Variants in LTA observed in about 807,000 individuals in gnomAD.
LTA encodes the protein lymphotoxin-alpha.
A neutral mutation model predicts 15.1 loss-of-function variants in LTA; 6 were observed. The observed-to-expected ratio is 0.40, with a 90% CI of 0.22 to 0.78. LTA has a LOEUF of 0.78. LTA is among the 30% of genes least tolerant of loss of function. The pLI, the probability that LTA is intolerant of heterozygous loss-of-function variation, is 0.38. For synonymous variants in LTA, 87 were observed against 107.3 expected (o/e 0.81, Z 1.17); for missense variants, 173 against 249.5 (o/e 0.69, Z 2.06).
intron 1 of LTA, 26 bp from the exon 2 acceptor site, chr6:31,572,708 C>CTT (rs754289755): frequency 1.6e-6 from 2 of 1,212,710 alleles, no homozygotes; most frequent in Admixed American, 3.9e-5. Context: ...CTCACTGTCT[C>CTT]TCTCTCTCTC....
chr6:31,572,674 T>TCTTC (rs1770903894), intron 1 of LTA, 60 bp from the exon 2 acceptor site: 2 of 1,278,234 alleles, frequency 1.6e-6, no homozygotes, highest in African/African-American at 2.9e-5. Flanking sequence ...GGGAGGTCTG[T>TCTTC]CTTCCGCCGC....
the LTA span, among the ~76,000 whole-genome samples, chr6:31,564,802 T>C: frequency 6.6e-6 from 1 of 151,038 alleles, no homozygotes; most frequent in Non-Finnish European, 1.5e-5. Context: ...TAGTCCTAGC[T>C]ACTCAGGAGG....
At chr6:31,564,284 T>A in the LTA span, among the ~76,000 whole-genome samples, 5 of 152,114 alleles carry the variant, frequency 3.3e-5, no homozygotes, top group African/African-American at 1.2e-4. Flanking sequence ...TTTTTATTTT[T>A]ATTTTTTTCC....
chr6:31,564,349 G>A, the LTA span, among the ~76,000 whole-genome samples: 1 of 151,956 alleles, frequency 6.6e-6, no homozygotes, highest in Non-Finnish European at 1.5e-5. Context: ...GTGTGATCTG[G>A]GCTCACTGCA....
chr6:31,561,345 A>G, the LTA span, among the ~76,000 whole-genome samples: 1 of 152,194 alleles, frequency 6.6e-6, no homozygotes, highest in African/African-American at 2.4e-5. Flanking sequence ...TGTGTTAACC[A>G]GCCCTTTTCC....
chr6:31,564,365 C>T, the LTA span, among the ~76,000 whole-genome samples: 131 of 143,634 alleles, frequency 9.1e-4, 1 homozygote, highest in African/African-American at 2.9e-3. Flanking sequence ...CTGCAAGATC[C>T]GCCTCCCGGG....
At chr6:31,562,071 C>A in the LTA span, among the ~76,000 whole-genome samples, 1 of 151,034 alleles carries the variant, frequency 6.6e-6, no homozygotes, top group South Asian at 2.1e-4. Flanking sequence ...AGGAAGAGAA[C>A]CAATAAAGGA....
intron 1 of LTA, 121 bp downstream of exon 1, chr6:31,572,567 G>C (rs1397060402): frequency 8.3e-6 from 5 of 604,808 alleles, no homozygotes; most frequent in African/African-American, 3.7e-5. Context: ...GTCTCTCTCT[G>C]TCTCCCTCTG....
upstream of LTA, among the ~76,000 whole-genome samples, chr6:31,571,315 C>T (rs1770821199): frequency 6.6e-6 from 1 of 152,156 alleles, no homozygotes; most frequent in African/African-American, 2.4e-5. Context: ...CCACCTCAGA[C>T]TCCCAAAGTG....
the LTA span, among the ~76,000 whole-genome samples, chr6:31,561,082 A>G: frequency 6.6e-6 from 1 of 152,204 alleles, no homozygotes; most frequent in Non-Finnish European, 1.5e-5. Flanking sequence ...TAGGCGAATA[A>G]CACGTCTTGA....
chr6:31,563,228 G>A, the LTA span, among the ~76,000 whole-genome samples: 1 of 152,286 alleles, frequency 6.6e-6, no homozygotes, highest in Admixed American at 6.5e-5. Flanking sequence ...AGTAAAGATA[G>A]AGGAAGTGGG....
upstream of LTA, among the ~76,000 whole-genome samples, chr6:31,569,454 C>T (rs956377208): frequency 6.6e-6 from 1 of 152,050 alleles, no homozygotes; most frequent in Non-Finnish European, 1.5e-5. Flanking sequence ...GGAGCAGGGG[C>T]TAAAAGGGAA....
At chr6:31,570,557 T>C (rs1770776098), upstream of LTA, among the ~76,000 whole-genome samples, 1 of 152,226 alleles carries the variant, frequency 6.6e-6, no homozygotes, top group Non-Finnish European at 1.5e-5. Context: ...CTGCTTTTTT[T>C]AAACCTTGTA....
upstream of LTA, among the ~76,000 whole-genome samples, chr6:31,567,095 A>C (rs914536398): frequency 6.6e-6 from 1 of 152,086 alleles, no homozygotes; most frequent in African/African-American, 2.4e-5. Context: ...CAGGAGTTTG[A>C]GATCAGCCTG....
intron 1 of LTA, 129 bp from the exon 2 acceptor site, chr6:31,572,605 C>T: frequency 1.6e-6 from 1 of 643,526 alleles, no homozygotes; most frequent in Non-Finnish European, 2.8e-6. Flanking sequence ...CTGACTGCAT[C>T]TTGTCCCCTT....
At chr6:31,566,562 C>T in the LTA span, among the ~76,000 whole-genome samples, 207 of 148,214 alleles carry the variant, frequency 1.4e-3, 1 homozygote, top group Admixed American at 6.4e-3. Flanking sequence ...ATTGCTTAAA[C>T]CTGGGAGGCA....
At chr6:31,566,589 G>A in the LTA span, among the ~76,000 whole-genome samples, 11 of 149,644 alleles carry the variant, frequency 7.4e-5, no homozygotes, top group East Asian at 2.0e-4. Context: ...GCAGTGAGCC[G>A]AGATTGTGCC....
chr6:31,573,684 C>G lies in LTA; in HGVS notation c.609C>G (p.Phe203Leu). The G allele has an allele frequency of 6.2e-7, 1 of 1,613,662 alleles. No individual in the cohort carries two copies. The highest frequency in any genetic ancestry group is 8.5e-7 in the Non-Finnish European group (1 of 1,179,782). ...CTAGTACTGTCTTCTTTGGAGCCTT[C>G]GCTCTGTAGAACTTGGAAAAATCCA... Reference protein sequence around the residue: ...LSPSTVFFGAFAL With the variant: ...LSPSTVFFGALAL Residue 203 changes from phenylalanine to leucine, a missense_variant, in exon 4 of 4, where the codon TTC becomes TTG. By Grantham distance (22) the Phe-to-Leu change is conservative. Coordinates refer to ENST00000418386, the MANE Select transcript of LTA (RefSeq NM_000595.4).
At chr6:31,560,829 G>A in the LTA span, among the ~76,000 whole-genome samples, 1 of 152,104 alleles carries the variant, frequency 6.6e-6, no homozygotes, top group South Asian at 2.1e-4. Flanking sequence ...TTCAGTGTAG[G>A]TCAACTGAGC....
Sources: gnomAD v4.1 joint callset for allele counts (sites outside exome capture counted in the v4.1 genomes callset) on GRCh38, gnomAD v4.1.1 for gene constraint, MANE v1.5 for transcripts, NCBI Gene and HGNC (gene_info 2026-07-23, HGNC 2026-07-21) for gene names.